TNNI3K: variants seen among roughly 807,000 people sequenced by gnomAD.
TNNI3K encodes the protein serine/threonine-protein kinase TNNI3K.
TNNI3K carries 140 observed loss-of-function variants against 114.5 expected under a neutral mutation model. That is an observed-to-expected ratio of 1.22 (90% confidence interval 1.07 to 1.41). The LOEUF is 1.41. TNNI3K is among the 40% of genes most tolerant of loss of function. The pLI is 0.00. For missense variants in TNNI3K, 1,125 were observed against 1,007.6 expected (o/e 1.12, Z -1.58); for synonymous variants, 347 against 347.5 (o/e 1.00, Z 0.02).
At chr1:74,485,971 T>A (rs1017084406) in intron 21 of TNNI3K, among the ~76,000 whole-genome samples, 7 of 152,142 alleles carry the variant, frequency 4.6e-5, no homozygotes, top group African/African-American at 1.7e-4. Flanking sequence ...AGTGAAACTC[T>A]GAGCAAAGGA....
intron 4 of TNNI3K, among the ~76,000 whole-genome samples, chr1:74,267,495 A>G (rs757429049): frequency 1.3e-5 from 2 of 151,958 alleles, no homozygotes; most frequent in African/African-American, 4.8e-5. Context: ...TTCAGTTAGC[A>G]CTTTAAATTC....
chr1:74,354,844 G>A (rs907068968), intron 11 of TNNI3K, among the ~76,000 whole-genome samples: 1 of 152,170 alleles, frequency 6.6e-6, no homozygotes, highest in Admixed American at 6.5e-5. Context: ...TAAATGCTAA[G>A]TAATTGCTAT....
intron 20 of TNNI3K, among the ~76,000 whole-genome samples, chr1:74,447,399 A>G (rs529499310): frequency 6.7e-6 from 1 of 149,382 alleles, no homozygotes; most frequent in Non-Finnish European, 1.5e-5. Flanking sequence ...CAATGAACTC[A>G]AACAAATTTA....
At chr1:74,379,159 T>A (rs2100544576) in intron 17 of TNNI3K, among the ~76,000 whole-genome samples, 1 of 152,106 alleles carries the variant, frequency 6.6e-6, no homozygotes, top group Middle Eastern at 3.4e-3. Context: ...TGTCTATGAA[T>A]CAAAATGTGG....
rs1449545836 is a variant in TNNI3K at position 74,347,157 on chromosome 1, C to G, written c.932+3978C>G. ...TAATGCTATCCCTCCCCCCTCCCCCCACCCCACAACAGTCTCCGGTGTGTG... is the reference window on the plus strand; with the variant it reads ...TAATGCTATCCCTCCCCCCTCCCCCGACCCCACAACAGTCTCCGGTGTGTG... On this transcript the variant is annotated intron_variant, in intron 9 of 24. Transcript: ENST00000326637. Among the ~76,000 whole-genome samples the G allele has an allele frequency of 6.7e-5, 7 of 105,096 alleles. No individual in the cohort carries two copies. In the East Asian group the frequency reaches 2.5e-3, roughly 37 times the overall value. 68.9% of individuals were successfully genotyped at this position (105,096 alleles called of 152,430 possible). A position where few individuals can be genotyped will look rare whatever the true frequency, so the allele number is the denominator to read the frequency against.
At chr1:74,347,526 TG>T (rs1329993203) in intron 9 of TNNI3K, among the ~76,000 whole-genome samples, 1 of 152,328 alleles carries the variant, frequency 6.6e-6, no homozygotes, top group African/African-American at 2.4e-5. Context: ...AGTAATGGGA[TG>T]GCTGGGTCAA....
chr1:74,364,908 C>A (rs1310249759), intron 11 of TNNI3K, among the ~76,000 whole-genome samples: 9 of 152,012 alleles, frequency 5.9e-5, no homozygotes, highest in African/African-American at 2.2e-4. Flanking sequence ...TCAGAGAAAA[C>A]CATGTTGAAC....
At chr1:74,253,769 C>G (rs1655106256) in intron 4 of TNNI3K, among the ~76,000 whole-genome samples, 1 of 152,144 alleles carries the variant, frequency 6.6e-6, no homozygotes, top group African/African-American at 2.4e-5. Flanking sequence ...CCAGCTCCAG[C>G]CTCGGCCATC....
chr1:74,469,505 A>C (rs1667819677), intron 21 of TNNI3K: 1 of 161,596 alleles, frequency 6.2e-6, no homozygotes, highest in Admixed American at 6.4e-5. Context: ...ATGTATAATA[A>C]TTTACATGAA....
rs1653844095 is a variant in TNNI3K at position 74,236,137 on chromosome 1, A to G, written c.76A>G (p.Ile26Val). ...GAAAAAAGTCAGTGAATCATATGTT[A>G]TCACAATAGAAAGATTAGAAGATGA... ...WKKKVSESYV[I>V]TIERLEDDLQ... Residue 26 changes from isoleucine (I) to valine (V), a missense_variant, in exon 2 of 25, where the codon ATC becomes GTC. Physicochemically the swap from Ile to Val is conservative, Grantham distance 29. Coordinates refer to ENST00000326637, the MANE Select transcript of TNNI3K (RefSeq NM_015978.3). 6.2e-6 allele frequency: 10 copies of G among 1,608,348 alleles called. No homozygotes were observed. The South Asian group carries it at 9.9e-5, about 16-fold the overall frequency.
intron 23 of TNNI3K, among the ~76,000 whole-genome samples, chr1:74,529,861 A>C (rs994653831): frequency 1.3e-5 from 2 of 151,932 alleles, no homozygotes; most frequent in Non-Finnish European, 2.9e-5. Context: ...GGATGACCCC[A>C]CCCCTTGTGA....
chr1:74,361,028 C>T (rs1173491161), intron 11 of TNNI3K, among the ~76,000 whole-genome samples: 2 of 152,076 alleles, frequency 1.3e-5, no homozygotes, highest in East Asian at 3.9e-4. Context: ...CCATGTTCTG[C>T]TACATGGCAT....
At chr1:74,444,376 A>G (rs1666531427) in intron 20 of TNNI3K, among the ~76,000 whole-genome samples, 1 of 152,154 alleles carries the variant, frequency 6.6e-6, no homozygotes, top group Non-Finnish European at 1.5e-5. Flanking sequence ...AAGCATTCCT[A>G]TACACCAACA....
chr1:74,235,472 A>T lies in TNNI3K; in HGVS notation c.21A>T (p.Arg7Ser). 6.6e-7 allele frequency: 1 copy of T among 1,510,392 alleles called. No homozygotes were observed. The highest frequency in any genetic ancestry group is 9.1e-7 in the Non-Finnish European group (1 of 1,101,866). 93.6% of individuals were successfully genotyped at this position (1,510,392 alleles called of 1,614,324 possible). ...AATAAATGGGAAATTATAAATCTAGACCAACCCAAACTTGTACTGGTAATT... is the reference window on the plus strand; with the variant it reads ...AATAAATGGGAAATTATAAATCTAGTCCAACCCAAACTTGTACTGGTAATT... MGNYKSRPTQTCTDEWK... is the reference protein window; with the variant it reads MGNYKSSPTQTCTDEWK... The change falls in exon 1 of 25, where the codon AGA becomes AGT. Residue 7 changes from arginine to serine, a missense_variant. Coordinates refer to ENST00000326637, the MANE Select transcript of TNNI3K (RefSeq NM_015978.3).
intron 17 of TNNI3K, among the ~76,000 whole-genome samples, chr1:74,384,828 G>T (rs1663390603): frequency 6.6e-6 from 1 of 151,984 alleles, no homozygotes; most frequent in African/African-American, 2.4e-5. Flanking sequence ...TTGATGTTCA[G>T]CTTCTTAAAT....
At chr1:74,369,334 A>G in intron 15 of TNNI3K, 57 bp from the exon 16 acceptor site, 1 of 1,606,640 alleles carries the variant, frequency 6.2e-7, no homozygotes, top group Non-Finnish European at 8.5e-7. Flanking sequence ...GTGCATGGCA[A>G]GCCCCTTGTT....
intron 23 of TNNI3K, among the ~76,000 whole-genome samples, chr1:74,534,054 C>G (rs1319019259): frequency 6.6e-6 from 1 of 152,136 alleles, no homozygotes; most frequent in Non-Finnish European, 1.5e-5. Flanking sequence ...TTCCCAGACA[C>G]CCCACAGGGG....
chr1:74,413,718 A>G (rs1557551352), intron 17 of TNNI3K, among the ~76,000 whole-genome samples: 1 of 152,186 alleles, frequency 6.6e-6, no homozygotes, highest in Non-Finnish European at 1.5e-5. Context: ...TCTACATTAG[A>G]CTTGGTGTTT....
chr1:74,428,667 G>T (rs1381849889), intron 17 of TNNI3K, among the ~76,000 whole-genome samples: 2 of 152,116 alleles, frequency 1.3e-5, no homozygotes, highest in Non-Finnish European at 2.9e-5. Context: ...TGAAGCAGGG[G>T]CTCATGCCTG....
Sources: allele counts gnomAD v4.1 joint callset (sites outside exome capture counted in the v4.1 genomes callset), GRCh38; gene constraint gnomAD v4.1.1; transcripts MANE v1.5; gene names NCBI Gene and HGNC (gene_info 2026-07-23, HGNC 2026-07-21).